The following TENM1 variants were observed in gnomAD, a reference collection of about 807,000 sequenced individuals.
TENM1 encodes teneurin-1.
TENM1 carries 35 observed loss-of-function variants against 174.8 expected under a neutral mutation model. The observed-to-expected ratio is 0.20, with a 90% CI of 0.15 to 0.27. TENM1 has a LOEUF of 0.27. Among genes scored for constraint, TENM1 ranks in the 10% least tolerant of loss-of-function variants. The pLI is 1.00. For missense variants in TENM1, 1,633 were observed against 2,130.1 expected (o/e 0.77, Z 4.59); for synonymous variants, 781 against 798.7 (o/e 0.98, Z 0.37).
At chrX:124,701,730 A>C (rs1228726846) in intron 5 of TENM1, among the ~76,000 whole-genome samples, 4 of 112,190 alleles carry the variant, frequency 3.6e-5, no homozygotes, top group Non-Finnish European at 5.6e-5. Flanking sequence ...TTTTGAACTC[A>C]AAACTTATTC....
intron 16 of TENM1, among the ~76,000 whole-genome samples, chrX:124,526,490 A>G (rs2047978263): frequency 8.9e-6 from 1 of 112,414 alleles, no homozygotes; most frequent in Non-Finnish European, 1.9e-5. Flanking sequence ...ATTAATTGAC[A>G]TGGAGACGGA....
intron 4 of TENM1, among the ~76,000 whole-genome samples, chrX:124,711,681 A>G (rs1287466165): frequency 1.8e-5 from 2 of 112,098 alleles, no homozygotes; most frequent in Non-Finnish European, 3.8e-5. Context: ...AAAAAAACAA[A>G]TTATAAAATG....
In TENM1 at chrX:124,794,764, T is replaced by C. The variant is rs2055265937; in HGVS notation, c.536-57567A>G. Among the ~76,000 whole-genome samples the C allele has an allele frequency of 3.6e-5, 4 of 111,915 alleles. No individual in the cohort carries two copies. In the Admixed American group the frequency reaches 3.8e-4, roughly 11 times the overall value. ...CATTGTAATGGCCTCCAAGACCTTC[T>C]GTGACCTGGTTGCTGTTTAGCTTAG... On this transcript the variant is annotated intron_variant, in intron 3 of 31. Transcript: ENST00000422452.
Position 124,688,318 on chromosome X carries a change from A to C in TENM1, c.1016-16483T>G, listed in dbSNP as rs150219536. Among the ~76,000 whole-genome samples the C allele has an allele frequency of 9.6e-3, 1,013 of 105,971 alleles. 14 individuals carry two copies. Among genetic ancestry groups the C allele is most frequent in the African/African-American group, 0.034 (974 of 28,853 alleles). The allele number at this position is 105,971 out of a possible 115,157, so 92.0% of individuals were successfully genotyped here. ...GTCCAGGCTGACATGCCTGGGATGT[A>C]GGCTCACTGCAACCTCCACCTCCCA... On this transcript the variant is annotated intron_variant, in intron 5 of 31. Transcript: ENST00000422452.
At chrX:124,674,851 G>A (rs1271009546) in intron 5 of TENM1, among the ~76,000 whole-genome samples, 1 of 111,266 alleles carries the variant, frequency 9.0e-6, no homozygotes, top group Non-Finnish European at 1.9e-5. Flanking sequence ...CATTCCCTGG[G>A]TTCAATTACT....
At chrX:124,577,414 A>C (rs1453179330) in intron 11 of TENM1, among the ~76,000 whole-genome samples, 1 of 105,875 alleles carries the variant, frequency 9.4e-6, no homozygotes, top group Non-Finnish European at 1.9e-5. Flanking sequence ...AAGAACCCAG[A>C]GTCAACAAAA....
rs139654127 is a variant in TENM1 at position 124,602,844 on chromosome X, C to T, written c.2078-37284G>A. Among the ~76,000 whole-genome samples, 125 of 111,311 alleles carry T rather than the reference C, an allele frequency of 1.1e-3. 1 individual carries two copies. The highest frequency in any genetic ancestry group is 1.4e-3 in the East Asian group (5 of 3,538). On this transcript the variant is annotated intron_variant, in intron 11 of 31. Coordinates refer to ENST00000422452, the Ensembl canonical transcript of TENM1. ...ACCAAGTGTATTGGGTTAAATGGTA[C>T]GTCCTTGTCATAATTCCTAAATCCT...
intron 15 of TENM1, among the ~76,000 whole-genome samples, chrX:124,543,246 T>C (rs1344095267): frequency 8.9e-6 from 1 of 112,365 alleles, no homozygotes; most frequent in Non-Finnish European, 1.9e-5. Flanking sequence ...AGAAGGAAGA[T>C]ATTCTGATTT....
chrX:124,713,645 G>T (rs1483512994), intron 4 of TENM1, among the ~76,000 whole-genome samples: 2 of 112,172 alleles, frequency 1.8e-5, no homozygotes, highest in Non-Finnish European at 3.8e-5. Context: ...GCCCTATCTG[G>T]TCAACTATCT....
the TENM1 span, among the ~76,000 whole-genome samples, chrX:125,083,578 CA>C: frequency 9.1e-6 from 1 of 109,976 alleles, no homozygotes; most frequent in African/African-American, 3.3e-5. Context: ...TTTTGAAAGT[CA>C]AAAAAACCCC....
At chrX:124,809,091 T>A (rs1052886143) in intron 3 of TENM1, among the ~76,000 whole-genome samples, 1 of 109,907 alleles carries the variant, frequency 9.1e-6, no homozygotes. Flanking sequence ...GAGAGAAGAC[T>A]CAAACGAAAA....
At chrX:124,444,670 A>C (rs964880984) in intron 23 of TENM1, among the ~76,000 whole-genome samples, 3 of 110,907 alleles carry the variant, frequency 2.7e-5, no homozygotes, top group African/African-American at 9.8e-5. Flanking sequence ...TCAATGGGCA[A>C]AAGGAAAAGA....
intron 14 of TENM1, among the ~76,000 whole-genome samples, chrX:124,551,266 C>A (rs1458431367): frequency 1.8e-5 from 2 of 111,086 alleles, no homozygotes; most frequent in East Asian, 5.6e-4. Context: ...ATAAGTCAGT[C>A]ATAGAAGGGA....
the TENM1 span, among the ~76,000 whole-genome samples, chrX:124,990,701 G>T: frequency 5.3e-5 from 6 of 112,247 alleles, no homozygotes; most frequent in Non-Finnish European, 1.1e-4. Flanking sequence ...ATATAGGAGG[G>T]ATGACACATT....
intron 15 of TENM1, among the ~76,000 whole-genome samples, chrX:124,536,147 A>G (rs2048201448): frequency 9.0e-6 from 1 of 111,436 alleles, no homozygotes. Flanking sequence ...ATATCCAGAT[A>G]TTTTGGGGGT....
At chrX:125,120,411 C>G in the TENM1 span, among the ~76,000 whole-genome samples, 20 of 110,754 alleles carry the variant, frequency 1.8e-4, no homozygotes, top group Non-Finnish European at 3.6e-4. Context: ...CCTATCAACC[C>G]GTCAGCTAGG....
At chrX:124,872,167 A>C (rs1431323138) in intron 3 of TENM1, among the ~76,000 whole-genome samples, 2 of 110,816 alleles carry the variant, frequency 1.8e-5, no homozygotes, top group Non-Finnish European at 3.8e-5. Context: ...AGAACTCAGA[A>C]TTTCTTCATG....
At chrX:124,682,247 A>G (rs930283005) in intron 5 of TENM1, among the ~76,000 whole-genome samples, 3 of 111,836 alleles carry the variant, frequency 2.7e-5, no homozygotes, top group African/African-American at 9.7e-5. Context: ...TTTCTTGGTA[A>G]AAGGATTCCA....
intron 1 of TENM1, among the ~76,000 whole-genome samples, chrX:124,940,587 C>T (rs2058311492): frequency 1.8e-5 from 2 of 111,231 alleles, no homozygotes; most frequent in South Asian, 7.8e-4. Context: ...AACTTATATA[C>T]TAACTTTCCC....
Sources: allele counts gnomAD v4.1 joint callset (sites outside exome capture counted in the v4.1 genomes callset), GRCh38; gene constraint gnomAD v4.1.1; transcripts MANE v1.5; gene names NCBI Gene and HGNC (gene_info 2026-07-23, HGNC 2026-07-21).